CXCL11: variants seen among roughly 807,000 people sequenced by gnomAD.
CXCL11 encodes the protein C-X-C motif chemokine 11.
Under a neutral mutation model 9.7 loss-of-function variants are expected in CXCL11, and 7 were observed. The observed-to-expected ratio is 0.72, with a 90% confidence interval of 0.41 to 1.36. CXCL11 has a LOEUF of 1.36. Ranked by LOEUF, CXCL11 falls within the 40% of genes most tolerant of loss-of-function variation. CXCL11 has a pLI of 0.01. For synonymous variants in CXCL11, 35 were observed against 34.4 expected, an observed-to-expected ratio of 1.02 and a Z score of -0.06; for missense variants, 107 against 113.4, an observed-to-expected ratio of 0.94 and a Z score of 0.26.
At chr4:76,035,827 A>G (rs1250033411) in intron 1 of CXCL11, 100 bp downstream of exon 1, 2 of 1,091,836 alleles carry the variant, frequency 1.8e-6, no homozygotes, top group Middle Eastern at 2.2e-4. Flanking sequence ...GTGAGATTAA[A>G]TAAAACTTTA....
rs948077880 is a variant in CXCL11, at chr4:76,033,856, G to T, written c.*937C>A. 1 of 152,204 alleles carries T rather than the reference G, an allele frequency of 6.6e-6. No individual in the cohort carries two copies. Among genetic ancestry groups the T allele is most frequent in the South Asian group, 2.1e-4 (1 of 4,828 alleles). The allele number at this position is 152,204 out of a possible 1,614,324, so 9.4% of individuals were successfully genotyped here. A position where few individuals can be genotyped will look rare whatever the true frequency, so the allele number is the denominator to read the frequency against. The stretch of plus-strand genomic sequence containing the variant: ...TACAAAAAGTAAAAGTGATTGCTAG[G>T]TATACATTTGCTTATTTTTCAACAT... On this transcript the variant is annotated 3_prime_UTR_variant, in exon 4 of 4. Coordinates refer to ENST00000306621, the MANE Select transcript of CXCL11 (RefSeq NM_005409.5).
chr4:76,034,487 A>C lies in CXCL11; in HGVS notation c.*306T>G, dbSNP rs1481707457. ...ATGCAACAAGTAAGAACGTGAAAGCACTTTGTAAACTCCGATGGTAACCAG... is the reference window on the plus strand; with the variant it reads ...ATGCAACAAGTAAGAACGTGAAAGCCCTTTGTAAACTCCGATGGTAACCAG... On this transcript the variant is annotated 3_prime_UTR_variant, in exon 4 of 4. Coordinates refer to ENST00000306621, the MANE Select transcript of CXCL11 (RefSeq NM_005409.5). 19 of 519,458 alleles carry C rather than the reference A, an allele frequency of 3.7e-5. No individual in the cohort carries two copies. The allele number at this position is 519,458 out of a possible 1,614,324, so 32.2% of individuals were successfully genotyped here.
chr4:76,035,441 G>T, intron 1 of CXCL11, 99 bp from the exon 2 acceptor site: 1 of 1,201,070 alleles, frequency 8.3e-7, no homozygotes, highest in Non-Finnish European at 1.2e-6. Flanking sequence ...TTCATTAAGG[G>T]TAAAGATAGT....
At position 76,034,280 on chromosome 4, in the gene CXCL11, T is replaced by TA. The variant is rs747936495; in HGVS notation, c.*512dup. On this transcript the variant is annotated 3_prime_UTR_variant, in exon 4 of 4. Transcript: ENST00000306621. ...TTACGACACATAGATGCTTTTGACT[T>TA]ATAAGGGCTTGACTCCAGTAATAAT... is the stretch of plus-strand genomic sequence containing the variant. The TA allele has an allele frequency of 2.5e-5, 10 of 396,576 alleles. No homozygotes were observed. Among genetic ancestry groups the TA allele is most frequent in the Non-Finnish European group, 4.4e-5 (10 of 225,374 alleles). The allele number at this position is 396,576 out of a possible 1,614,324, so 24.6% of individuals were successfully genotyped here. A position where few individuals can be genotyped will look rare whatever the true frequency, so the allele number is the denominator to read the frequency against.
intron 3 of CXCL11, 63 bp downstream of exon 3, chr4:76,034,982 TTC>T: frequency 6.7e-7 from 1 of 1,486,410 alleles, no homozygotes; most frequent in Non-Finnish European, 9.4e-7. Flanking sequence ...CCACATTATT[TTC>T]TTTTTCAAAA....
In CXCL11 at chr4:76,036,018, C is replaced by T. The variant is rs6819597; in HGVS notation, c.-31G>A. 0.56 allele frequency: 896,920 copies of T among 1,609,244 alleles called. 257,546 individuals carry two copies. The highest frequency in any genetic ancestry group is 0.94 in the East Asian group (41,968 of 44,838). On this transcript the variant is annotated 5_prime_UTR_variant, in exon 1 of 4. Transcript: ENST00000306621. ...TTTTTTGCTGTTGCTGCTGGTGCTG[C>T]TGCTGCTACTTCAGCTTTGCTGCTC...
rs181170252 is a variant in CXCL11 at position 76,035,389 on chromosome 4, G to T, written c.62-47C>A. ...GTTAGTAATGCATCTGATTGCAACA[G>T]ATGGCTGTGGTTTATAGCTGGTGGT... On this transcript the variant is annotated intron_variant, in intron 1 of 3. Coordinates refer to ENST00000306621, the MANE Select transcript of CXCL11 (RefSeq NM_005409.5). 2.3e-3 allele frequency: 3,695 copies of T among 1,595,392 alleles called. 42 individuals carry two copies. The highest frequency in any genetic ancestry group is 0.022 in the South Asian group (1,985 of 88,290).
At chr4:76,035,186 A>G in intron 2 of CXCL11, 30 bp downstream of exon 2, 2 of 1,613,952 alleles carry the variant, frequency 1.2e-6, no homozygotes, top group Non-Finnish European at 1.7e-6. Context: ...AGCCTGCACC[A>G]TTGTCATCTT....
In CXCL11 at chr4:76,034,463, TGCA is replaced by T. The variant is rs961298672; in HGVS notation, c.*327_*329del. Reference sequence around the variant, plus strand: ...AGCCTAGAAATGCATGAATGTATAATGCAACAAGTAAGAACGTGAAAGCACTTT... The same window carrying T: ...AGCCTAGAAATGCATGAATGTATAATACAAGTAAGAACGTGAAAGCACTTT... On this transcript the variant is annotated 3_prime_UTR_variant, in exon 4 of 4. Coordinates refer to ENST00000306621, the MANE Select transcript of CXCL11 (RefSeq NM_005409.5). 5.8e-6 allele frequency: 3 copies of T among 513,142 alleles called. No homozygotes were observed. The highest frequency in any genetic ancestry group is 1.0e-5 in the Non-Finnish European group (3 of 297,460). The allele number at this position is 513,142 out of a possible 1,614,324, so 31.8% of individuals were successfully genotyped here. A position where few individuals can be genotyped will look rare whatever the true frequency, so the allele number is the denominator to read the frequency against.
rs201217120 is a variant in CXCL11 at position 76,035,132 on chromosome 4, C to T, written c.189-13G>A. The T allele has an allele frequency of 3.2e-6, 5 of 1,542,618 alleles. No individual in the cohort carries two copies. Among genetic ancestry groups the T allele is most frequent in the Non-Finnish European group, 4.3e-6 (5 of 1,150,918 alleles). On this transcript the variant is annotated splice_polypyrimidine_tract_variant and intron_variant, in intron 2 of 3. Coordinates refer to ENST00000306621, the MANE Select transcript of CXCL11 (RefSeq NM_005409.5). Reference sequence around the variant, plus strand: ...TTTCAGGGTAATACTGTTAAAAGAACATACAAGAGTCTTAAAGTTTAGATG... The same window carrying T: ...TTTCAGGGTAATACTGTTAAAAGAATATACAAGAGTCTTAAAGTTTAGATG...
intron 2 of CXCL11, 37 bp downstream of exon 2, chr4:76,035,179 C>T: frequency 6.2e-7 from 1 of 1,613,844 alleles, no homozygotes; most frequent in African/African-American, 1.3e-5. Flanking sequence ...ACAAAAAAGC[C>T]TGCACCATTG....
chr4:76,036,054 G>A lies in CXCL11; in HGVS notation c.-67C>T, dbSNP rs1734373027. On this transcript the variant is annotated 5_prime_UTR_variant, in exon 1 of 4. Coordinates refer to ENST00000306621, the MANE Select transcript of CXCL11 (RefSeq NM_005409.5). ...TCAGCTTTGCTGCTCTTCTTGGAAGGAGTAGAAATGCTGAACATGAAAGGA... is the reference window on the plus strand; with the variant it reads ...TCAGCTTTGCTGCTCTTCTTGGAAGAAGTAGAAATGCTGAACATGAAAGGA... 10 of 1,437,992 alleles carry A rather than the reference G, an allele frequency of 7.0e-6. No individual in the cohort carries two copies. The South Asian group carries it at 1.1e-4, about 15-fold the overall frequency. The allele number at this position is 1,437,992 out of a possible 1,614,324, so 89.1% of individuals were successfully genotyped here.
At chr4:76,034,920 C>G (rs1421111156) in intron 3 of CXCL11, 104 bp from the exon 4 acceptor site, 11 of 1,341,266 alleles carry the variant, frequency 8.2e-6, no homozygotes, top group Admixed American at 5.6e-5. Flanking sequence ...AACCAAGGAC[C>G]CCTTAACAGA....
rs1734183980 is a variant in CXCL11 at position 76,034,675 on chromosome 4, A to G, written c.*118T>C. On this transcript the variant is annotated 3_prime_UTR_variant, in exon 4 of 4. Coordinates refer to ENST00000306621, the MANE Select transcript of CXCL11 (RefSeq NM_005409.5). ...ACTGTACAAAAGTTGAAAGTCACAAAACCATAGAAAAGTCTCAGTTTCCTA... is the reference window on the plus strand; with the variant it reads ...ACTGTACAAAAGTTGAAAGTCACAAGACCATAGAAAAGTCTCAGTTTCCTA... The G allele has an allele frequency of 3.5e-6, 3 of 847,068 alleles. No homozygotes were observed. The highest frequency in any genetic ancestry group is 5.6e-5 in the Admixed American group (2 of 35,502). The allele number at this position is 847,068 out of a possible 1,614,324, so 52.5% of individuals were successfully genotyped here. A position where few individuals can be genotyped will look rare whatever the true frequency, so the allele number is the denominator to read the frequency against.
intron 3 of CXCL11, 44 bp from the exon 4 acceptor site, chr4:76,034,860 G>A (rs1734205270): frequency 1.3e-6 from 2 of 1,531,830 alleles, no homozygotes; most frequent in Non-Finnish European, 9.0e-7. Flanking sequence ...GGCTGTTCTT[G>A]TTTCCCCCAG....
At chr4:76,035,440 G>A (rs1734294548) in intron 1 of CXCL11, 98 bp from the exon 2 acceptor site, 2 of 1,228,262 alleles carry the variant, frequency 1.6e-6, no homozygotes, top group South Asian at 2.9e-5. Flanking sequence ...TTTCATTAAG[G>A]GTAAAGATAG....
At chr4:76,035,775 T>C in intron 1 of CXCL11, 152 bp downstream of exon 1, 1 of 661,006 alleles carries the variant, frequency 1.5e-6, no homozygotes, top group Non-Finnish European at 2.5e-6. Context: ...ATCTTAAACA[T>C]GTCCACCATT....
At chr4:76,035,195 T>G (rs1560586117) in intron 2 of CXCL11, 21 bp downstream of exon 2, 1 of 1,613,950 alleles carries the variant, frequency 6.2e-7, no homozygotes, top group African/African-American at 1.3e-5. Context: ...CATTGTCATC[T>G]TCAGCAAGTT....
At position 76,035,065 on chromosome 4, in the gene CXCL11, T is replaced by G. The variant is rs754653948; in HGVS notation, c.243A>C (p.Gln81His). The G allele has an allele frequency of 2.5e-6, 4 of 1,613,556 alleles. No individual in the cohort carries two copies. The highest frequency in any genetic ancestry group is 3.4e-6 in the Non-Finnish European group (4 of 1,179,592). The part of the protein sequence containing the change: ...GQRCLNPKSK[Q>H]ARLIIKKVER... Reference sequence around the variant, plus strand: ...AACTTACTTTGATTATAAGCCTTGCTTGCTTCGATTTGGGATTTAGGCATC... The same window carrying G: ...AACTTACTTTGATTATAAGCCTTGCGTGCTTCGATTTGGGATTTAGGCATC... The change falls in exon 3 of 4, where the codon CAA becomes CAC. Residue 81 changes from glutamine (Q) to histidine (H), a missense_variant. Physicochemically the swap from Gln to His is conservative, Grantham distance 24 (BLOSUM62 0). Coordinates refer to ENST00000306621, the MANE Select transcript of CXCL11 (RefSeq NM_005409.5).
Sources: allele counts gnomAD v4.1 joint callset, GRCh38; gene constraint gnomAD v4.1.1; transcripts MANE v1.5; gene names NCBI Gene and HGNC (gene_info 2026-07-23, HGNC 2026-07-21).